DCHS2: variants seen among roughly 807,000 people sequenced by gnomAD.
The protein encoded by DCHS2 is dachsous cadherin-related 2, also known as protocadherin-23.
A neutral mutation model predicts 182.4 loss-of-function variants in DCHS2; 142 were observed. That is an observed-to-expected ratio of 0.78 (90% CI 0.68 to 0.89). The LOEUF (loss-of-function observed/expected upper bound fraction) is 0.89, where lower values mean the gene tolerates loss of function less well. Ranked by LOEUF, DCHS2 falls within the 40% of genes least tolerant of loss-of-function variation. The pLI is 0.00. For synonymous variants in DCHS2, 1,740 were observed against 1,663.3 expected (o/e 1.05, Z -1.12); for missense variants, 4,319 against 4,198.6 (o/e 1.03, Z -0.79).
intron 12 of DCHS2, among the ~76,000 whole-genome samples, chr4:154,302,691 G>A (rs1023371148): frequency 5.9e-5 from 9 of 151,828 alleles, no homozygotes; most frequent in African/African-American, 1.9e-4. Context: ...TGGCTGAGAA[G>A]GTGGCCTCAG....
At chr4:154,488,081 G>A (rs115681499) in intron 1 of DCHS2, among the ~76,000 whole-genome samples, 2,856 of 152,276 alleles carry the variant, frequency 0.019, 80 homozygotes, top group African/African-American at 0.064. Flanking sequence ...GGGAGACTGA[G>A]GTGGGAGAAT....
intron 16 of DCHS2, among the ~76,000 whole-genome samples, chr4:154,252,840 C>CTAGAT (rs1442091824): frequency 5.3e-5 from 8 of 152,014 alleles, no homozygotes; most frequent in Admixed American, 5.2e-4. Context: ...AGCAGGAATG[C>CTAGAT]TAGATTGTAT....
At chr4:154,250,551 T>C (rs1334917855) in intron 16 of DCHS2, among the ~76,000 whole-genome samples, 1 of 152,182 alleles carries the variant, frequency 6.6e-6, no homozygotes, top group Non-Finnish European at 1.5e-5. Flanking sequence ...AAAAAAATCA[T>C]AATCTCCATC....
At chr4:154,371,790 C>A (rs1213591184) in intron 2 of DCHS2, among the ~76,000 whole-genome samples, 1 of 152,072 alleles carries the variant, frequency 6.6e-6, no homozygotes, top group Non-Finnish European at 1.5e-5. Context: ...GGTGTTGCTA[C>A]ACACTTTTAA....
intron 14 of DCHS2, among the ~76,000 whole-genome samples, chr4:154,268,433 C>T (rs2111198779): frequency 6.6e-6 from 1 of 152,230 alleles, no homozygotes; most frequent in South Asian, 2.1e-4. Flanking sequence ...AGTGTGGAGA[C>T]CCTGGACAAA....
At chr4:154,300,281 A>G (rs535349420) in intron 12 of DCHS2, among the ~76,000 whole-genome samples, 1 of 152,228 alleles carries the variant, frequency 6.6e-6, no homozygotes, top group Middle Eastern at 3.4e-3. Flanking sequence ...TGAAGATTCT[A>G]TAGTTTCTCC....
At chr4:154,460,732 A>C (rs1262409810) in intron 1 of DCHS2, among the ~76,000 whole-genome samples, 2 of 152,210 alleles carry the variant, frequency 1.3e-5, no homozygotes, top group African/African-American at 2.4e-5. Flanking sequence ...ATTGCCTAGC[A>C]TATAGTAAGA....
intron 1 of DCHS2, among the ~76,000 whole-genome samples, chr4:154,380,440 G>A (rs1195037799): frequency 4.6e-5 from 7 of 152,084 alleles, no homozygotes; most frequent in Admixed American, 4.6e-4. Flanking sequence ...GAAGCTTCAA[G>A]TTCCTGAAGA....
intron 1 of DCHS2, among the ~76,000 whole-genome samples, chr4:154,418,271 A>ATGTGCC (rs1443097699): frequency 6.6e-6 from 1 of 152,204 alleles, no homozygotes; most frequent in Admixed American, 6.5e-5. Context: ...AAACCCATGA[A>ATGTGCC]TGTGCCCAGA....
At chr4:154,465,668 C>CAA (rs879363340) in intron 1 of DCHS2, among the ~76,000 whole-genome samples, 27 of 136,092 alleles carry the variant, frequency 2.0e-4, no homozygotes, top group South Asian at 7.0e-4. Context: ...GACCCCATCT[C>CAA]AAAAAAAAAA....
At chr4:154,377,832 C>A (rs929610288) in intron 1 of DCHS2, among the ~76,000 whole-genome samples, 1 of 152,186 alleles carries the variant, frequency 6.6e-6, no homozygotes, top group Non-Finnish European at 1.5e-5. Context: ...GCTGTTGATT[C>A]CCTCTCATAC....
chr4:154,235,882 G>A lies in DCHS2; in HGVS notation c.8770C>T (p.Pro2924Ser), dbSNP rs746126538. The change falls in exon 20 of 20, where the codon CCT becomes TCT. Residue 2924 changes from proline to serine, a missense_variant. Coordinates refer to ENST00000357232, the MANE Select transcript of DCHS2 (RefSeq NM_001358235.2). ...VILYSLGTSSPFFSVNKTNGN... is the reference protein window; with the variant it reads ...VILYSLGTSSSFFSVNKTNGN... ...TTGGTTTTATTTACTGAAAAGAAAG[G>A]AGATGAGGTTCCAAGGGAGTAAAGA... 7.4e-6 allele frequency: 12 copies of A among 1,613,912 alleles called. No individual in the cohort carries two copies. The highest frequency in any genetic ancestry group is 3.3e-5 in the South Asian group (3 of 91,084).
intron 1 of DCHS2, among the ~76,000 whole-genome samples, chr4:154,418,952 T>C (rs1388613569): frequency 6.6e-6 from 1 of 152,200 alleles, no homozygotes; most frequent in Non-Finnish European, 1.5e-5. Context: ...TGAACATGAA[T>C]GAATGCTTCA....
At chr4:154,272,498 G>T (rs1203766214) in intron 13 of DCHS2, among the ~76,000 whole-genome samples, 1 of 152,012 alleles carries the variant, frequency 6.6e-6, no homozygotes, top group Non-Finnish European at 1.5e-5. Context: ...GGATCATGGG[G>T]GCACTTTCCC....
rs1023872769 is a variant in DCHS2, at chr4:154,284,375, A to C, written c.6463+13476T>G. On this transcript the variant is annotated intron_variant, in intron 13 of 19. Transcript: ENST00000357232. ...GAAGTCTCCCCAGATTGTCCTCCCA[A>C]CAGGGAAACAAAATTGAACAATTAT... 2.0e-5 allele frequency: 3 copies of C among 152,216 alleles called. No individual in the cohort carries two copies. In the South Asian group the frequency reaches 6.2e-4, roughly 31 times the overall value. 9.4% of individuals were successfully genotyped at this position (152,216 alleles called of 1,614,324 possible).
At chr4:154,302,107 G>T (rs960147523) in intron 12 of DCHS2, among the ~76,000 whole-genome samples, 1 of 152,098 alleles carries the variant, frequency 6.6e-6, no homozygotes, top group African/African-American at 2.4e-5. Context: ...AAGCATAAAA[G>T]TCCATTACGT....
intron 7 of DCHS2, among the ~76,000 whole-genome samples, chr4:154,326,683 T>C (rs1736297220): frequency 6.6e-6 from 1 of 152,180 alleles, no homozygotes; most frequent in Non-Finnish European, 1.5e-5. Context: ...ATTTATTTTC[T>C]ACCCCCTCAT....
intron 1 of DCHS2, among the ~76,000 whole-genome samples, chr4:154,405,001 GT>G (rs763669842): frequency 9.9e-5 from 15 of 152,072 alleles, no homozygotes. Context: ...AATCCCAGCA[GT>G]TTGGGAGGCT....
At chr4:154,470,724 G>A (rs896155683) in intron 1 of DCHS2, among the ~76,000 whole-genome samples, 3 of 152,152 alleles carry the variant, frequency 2.0e-5, no homozygotes, top group African/African-American at 4.8e-5. Flanking sequence ...AATACCTGTA[G>A]TTAAATTAGA....
Sources: allele counts gnomAD v4.1 joint callset (sites outside exome capture counted in the v4.1 genomes callset), GRCh38; gene constraint gnomAD v4.1.1; transcripts MANE v1.5; gene names NCBI Gene and HGNC (gene_info 2026-07-23, HGNC 2026-07-21).